CSMD2: variants seen among roughly 807,000 people sequenced by gnomAD.
CSMD2 encodes the protein CUB and sushi domain-containing protein 2.
A neutral mutation model predicts 398.5 loss-of-function variants in CSMD2; 130 were observed. The observed-to-expected ratio is 0.33, with a 90% confidence interval of 0.28 to 0.38. CSMD2 has a LOEUF of 0.38. CSMD2 is among the 10% of genes least tolerant of loss of function. CSMD2 has a pLI of 1.00. For missense variants in CSMD2, 3,829 were observed against 4,764.9 expected, an observed-to-expected ratio of 0.80 and a Z score of 5.78; for synonymous variants, 1,828 against 1,908.5, an observed-to-expected ratio of 0.96 and a Z score of 1.10.
At chr1:33,574,543 G>A (rs1181465626) in intron 49 of CSMD2, among the ~76,000 whole-genome samples, 1 of 152,212 alleles carries the variant, frequency 6.6e-6, no homozygotes, top group African/African-American at 2.4e-5. Flanking sequence ...TTCGCTTAGA[G>A]CCAGAATAAG....
chr1:33,819,277 C>A (rs1234653441), intron 9 of CSMD2, among the ~76,000 whole-genome samples: 2 of 152,304 alleles, frequency 1.3e-5, no homozygotes, highest in East Asian at 1.9e-4. Flanking sequence ...TAAAAACACT[C>A]TTGCAGAAGT....
intron 3 of CSMD2, among the ~76,000 whole-genome samples, chr1:33,983,415 G>A (rs1023325313): frequency 6.6e-6 from 1 of 152,160 alleles, no homozygotes; most frequent in Non-Finnish European, 1.5e-5. Flanking sequence ...GGGCAAGAAG[G>A]GAGGAAAGAA....
chr1:33,762,997 A>C (rs919102292), intron 13 of CSMD2, among the ~76,000 whole-genome samples: 1 of 152,156 alleles, frequency 6.6e-6, no homozygotes, highest in African/African-American at 2.4e-5. Context: ...TCAACATCCC[A>C]CGGACCCTGG....
intron 32 of CSMD2, among the ~76,000 whole-genome samples, chr1:33,632,089 G>C (rs561243704): frequency 1.3e-5 from 2 of 152,016 alleles, no homozygotes; most frequent in South Asian, 2.1e-4. Flanking sequence ...ATTCTGCTAG[G>C]ACAACTGATT....
rs1643890817 is a variant in CSMD2 at position 33,654,469 on chromosome 1, G to A, written c.4448-2008C>T. On this transcript the variant is annotated intron_variant, in intron 27 of 70. Transcript: ENST00000373381. ...GCGTGCTTCTCCCCGCTGGCCAGCAGGGAGAGCACAGTTGTTGCAGGAGCT... is the reference window on the plus strand; with the variant it reads ...GCGTGCTTCTCCCCGCTGGCCAGCAAGGAGAGCACAGTTGTTGCAGGAGCT... Among the ~76,000 whole-genome samples the A allele has an allele frequency of 2.6e-5, 4 of 152,268 alleles. No individual in the cohort carries two copies. The South Asian group carries it at 6.2e-4, about 24-fold the overall frequency.
intron 64 of CSMD2, 125 bp downstream of exon 64, chr1:33,532,925 T>G: frequency 1.1e-6 from 1 of 945,110 alleles, no homozygotes; most frequent in Non-Finnish European, 1.5e-6. Context: ...CCTTAGAAAA[T>G]CAGAAGCGGG....
At chr1:33,862,492 C>A (rs2125117819) in intron 5 of CSMD2, 1 of 152,064 alleles carries the variant, frequency 6.6e-6, no homozygotes, top group South Asian at 2.1e-4. Flanking sequence ...GTGTCCCATT[C>A]ATCTAGGCAG....
In CSMD2 at chr1:33,819,826, C is replaced by A. The variant is rs1369555913; in HGVS notation, c.1211G>T (p.Ser404Ile). ...GCCCTCGTTGCAGGTGAACTGGACG[C>A]TGGATCCTAACCTGGGAGACAAAGT... is the stretch of plus-strand genomic sequence containing the variant. ...RLGSDFRLGS[S>I]VQFTCNEGYD... Residue 404 changes from serine (S) to isoleucine (I), a missense_variant, in exon 9 of 71, where the codon AGC (serine) becomes ATC (isoleucine). Physicochemically the swap from Ser to Ile is moderately radical, Grantham distance 142 (BLOSUM62 -2). This residue lies in a region of CSMD2 where 2,001 missense variants were observed against 2,567.1 expected (regional missense o/e 0.78). Transcript: ENST00000373381. The A allele has an allele frequency of 6.2e-7, 1 of 1,614,120 alleles. No individual in the cohort carries two copies. The highest frequency in any genetic ancestry group is 8.5e-7 in the Non-Finnish European group (1 of 1,180,000).
intron 5 of CSMD2, chr1:33,864,088 A>T: frequency 8.9e-7 from 1 of 1,126,066 alleles, no homozygotes; most frequent in Non-Finnish European, 1.3e-6. Flanking sequence ...CAGACAGAAA[A>T]ATTCGCTGCA....
chr1:33,605,494 T>C (rs1640534804), intron 41 of CSMD2, 24 bp from the exon 42 acceptor site: 6 of 1,611,438 alleles, frequency 3.7e-6, no homozygotes, highest in Non-Finnish European at 4.2e-6. Context: ...GGAGAAAAGG[T>C]CACTTTATTC....
rs531942223 is a variant in CSMD2, at chr1:33,903,302, A to G, written c.920+14792T>C. Among the ~76,000 whole-genome samples the G allele has an allele frequency of 5.9e-5, 9 of 152,126 alleles. No homozygotes were observed. The South Asian group carries it at 1.9e-3, about 32-fold the overall frequency. On this transcript the variant is annotated intron_variant, in intron 5 of 70. Transcript: ENST00000373381. ...CTGAGAGAGATCTCACATTGCAATC[A>G]AACCTCTCCAGTTCTGTTGTCGACT...
At chr1:33,832,827 T>G (rs921663110) in intron 6 of CSMD2, among the ~76,000 whole-genome samples, 1 of 152,048 alleles carries the variant, frequency 6.6e-6, no homozygotes, top group Non-Finnish European at 1.5e-5. Context: ...ATATCACCAC[T>G]GATCCCACAG....
chr1:34,081,170 T>C (rs1324952352), intron 2 of CSMD2, among the ~76,000 whole-genome samples: 1 of 151,974 alleles, frequency 6.6e-6, no homozygotes, highest in African/African-American at 2.4e-5. Flanking sequence ...TCTCAGTAGA[T>C]TAAAAATCAT....
In CSMD2 at chr1:33,559,491, G is replaced by C; in HGVS notation, c.8381-18C>G. On this transcript the variant is annotated intron_variant, in intron 53 of 70. Coordinates refer to ENST00000373381, the MANE Select transcript of CSMD2 (RefSeq NM_001281956.2). The surrounding 1 kb of genome is among the most constrained non-coding windows in gnomAD (Gnocchi z 4.0). Reference sequence around the variant, plus strand: ...GGTAATTGCTGTAACCAAAACAGAAGATAGGTAAGCCCTCCTACTATTCCA... The same window carrying C: ...GGTAATTGCTGTAACCAAAACAGAACATAGGTAAGCCCTCCTACTATTCCA... 6.5e-7 allele frequency: 1 copy of C among 1,535,602 alleles called. No homozygotes were observed. The highest frequency in any genetic ancestry group is 8.7e-7 in the Non-Finnish European group (1 of 1,146,476).
intron 1 of CSMD2, among the ~76,000 whole-genome samples, chr1:34,096,535 C>T (rs2148396405): frequency 6.9e-6 from 1 of 144,104 alleles, no homozygotes; most frequent in Non-Finnish European, 1.5e-5. Flanking sequence ...CCAAAATCTC[C>T]TTAAGCTGAT....
chr1:33,846,277 C>G (rs917314491), intron 6 of CSMD2, among the ~76,000 whole-genome samples: 1 of 152,218 alleles, frequency 6.6e-6, no homozygotes, highest in African/African-American at 2.4e-5. Flanking sequence ...CCTGCCATTC[C>G]TGGTCTGATC....
At chr1:34,161,735 T>C (rs1302032579) in intron 1 of CSMD2, among the ~76,000 whole-genome samples, 2 of 151,976 alleles carry the variant, frequency 1.3e-5, no homozygotes, top group Non-Finnish European at 2.9e-5. Flanking sequence ...AAAACTGACA[T>C]GAAGACCCCT....
chr1:34,055,059 G>T (rs1420422117), intron 2 of CSMD2, among the ~76,000 whole-genome samples: 1 of 152,094 alleles, frequency 6.6e-6, no homozygotes, highest in African/African-American at 2.4e-5. Flanking sequence ...GAGCCCCTGG[G>T]TAGCTCTGCC....
intron 5 of CSMD2, among the ~76,000 whole-genome samples, chr1:33,895,528 G>A (rs1168013984): frequency 2.0e-5 from 3 of 152,148 alleles, no homozygotes; most frequent in Non-Finnish European, 4.4e-5. Flanking sequence ...GGGAATCATG[G>A]GTAAGACAAA....
Sources: gnomAD v4.1 joint callset for allele counts (sites outside exome capture counted in the v4.1 genomes callset) on GRCh38, gnomAD v4.1.1 for gene constraint, gnomAD v4.1.1 regional missense constraint, Gnocchi (gnomAD v3.1) non-coding constraint, MANE v1.5 for transcripts, NCBI Gene and HGNC (gene_info 2026-07-23, HGNC 2026-07-21) for gene names.